Variants in ARHGEF26 observed in about 807,000 individuals in gnomAD.
ARHGEF26 encodes Rho guanine nucleotide exchange factor (GEF) 26.
ARHGEF26 carries 59 observed loss-of-function variants against 89.4 expected under a neutral mutation model. That is an observed-to-expected ratio of 0.66 (90% confidence interval 0.54 to 0.82). The LOEUF is 0.82. Among genes scored for constraint, ARHGEF26 ranks in the 40% least tolerant of loss-of-function variants. The probability of loss-of-function intolerance (pLI) is 0.00; values close to 1 mark genes in which losing one functional copy is unlikely to be tolerated. For synonymous variants in ARHGEF26, 500 were observed against 428.4 expected (o/e 1.17, Z -2.06); for missense variants, 1,234 against 1,085.6 (o/e 1.14, Z -1.92).
Position 154,121,987 on chromosome 3 carries a change from C to G in ARHGEF26, c.-6C>G, listed in dbSNP as rs372226090. The G allele has an allele frequency of 1.5e-4, 236 of 1,582,128 alleles. No individual in the cohort carries two copies. Among genetic ancestry groups the G allele is most frequent in the Non-Finnish European group, 1.9e-4 (221 of 1,158,186 alleles). On this transcript the variant is annotated 5_prime_UTR_variant, in exon 2 of 15. Coordinates refer to ENST00000465093, the MANE Select transcript of ARHGEF26 (RefSeq NM_015595.4). ...CTCCTCCCGGCGCTGACTTCGAGGC[C>G]CGGCTATGGACGGCGAGAGCGAGGT...
intron 4 of ARHGEF26, among the ~76,000 whole-genome samples, chr3:154,137,673 A>T (rs1719093731): frequency 6.6e-6 from 1 of 152,096 alleles, no homozygotes; most frequent in Non-Finnish European, 1.5e-5. Context: ...TCCTTCATGT[A>T]GAGAATAATT....
Position 154,194,635 on chromosome 3 carries a change from T to A in ARHGEF26, c.1771-9T>A. On this transcript the variant is annotated splice_polypyrimidine_tract_variant and intron_variant, in intron 8 of 14. Transcript: ENST00000465093. ...TCAATAAATTTTGTTCACTTTTATT[T>A]CATTACAGACTATCTGTCAAAAAAC... 6.2e-7 allele frequency: 1 copy of A among 1,601,776 alleles called. No individual in the cohort carries two copies. Among genetic ancestry groups the A allele is most frequent in the South Asian group, 1.1e-5 (1 of 88,930 alleles).
chr3:154,174,221 G>A (rs919648432), intron 6 of ARHGEF26, among the ~76,000 whole-genome samples: 1 of 152,186 alleles, frequency 6.6e-6, no homozygotes, highest in Admixed American at 6.5e-5. Context: ...CAGCCATGGT[G>A]GAATGTAAGC....
intron 8 of ARHGEF26, 128 bp downstream of exon 8, chr3:154,191,546 G>A (rs1713960190): frequency 8.6e-7 from 1 of 1,162,032 alleles, no homozygotes; most frequent in African/African-American, 1.5e-5. Context: ...AATTAAGTGA[G>A]AAGGTGTTGT....
intron 10 of ARHGEF26, among the ~76,000 whole-genome samples, chr3:154,222,444 TTAC>T (rs1409980897): frequency 1.3e-5 from 2 of 152,316 alleles, no homozygotes; most frequent in Non-Finnish European, 1.5e-5. Context: ...GCTCCACCAC[TTAC>T]TAGCTGTACA....
At chr3:154,136,613 C>G (rs1719024636) in intron 4 of ARHGEF26, among the ~76,000 whole-genome samples, 1 of 152,196 alleles carries the variant, frequency 6.6e-6, no homozygotes, top group Non-Finnish European at 1.5e-5. Flanking sequence ...TTGTGAAAGA[C>G]ATACTATTTT....
intron 9 of ARHGEF26, among the ~76,000 whole-genome samples, chr3:154,205,310 T>C (rs1049608217): frequency 2.0e-5 from 3 of 152,186 alleles, no homozygotes; most frequent in Non-Finnish European, 4.4e-5. Context: ...GTGTCTGATA[T>C]AAGTATAGCA....
intron 12 of ARHGEF26, among the ~76,000 whole-genome samples, chr3:154,248,254 T>G (rs1717915540): frequency 6.6e-6 from 1 of 152,174 alleles, no homozygotes; most frequent in South Asian, 2.1e-4. Flanking sequence ...AGAAGCATAA[T>G]GAATGTGGTT....
At position 154,221,783 on chromosome 3, in the gene ARHGEF26, G is replaced by A. The variant is rs527879106; in HGVS notation, c.1935+3825G>A. ...CAGATGCAGATGAAACTAGTTATTG[G>A]TCATTACCCGTGAGGGGCAGTGGTC... On this transcript the variant is annotated intron_variant, in intron 10 of 14. Coordinates refer to ENST00000465093, the MANE Select transcript of ARHGEF26 (RefSeq NM_015595.4). Among the ~76,000 whole-genome samples the A allele has an allele frequency of 2.6e-5, 4 of 152,274 alleles. No individual in the cohort carries two copies. In the East Asian group the frequency reaches 5.8e-4, roughly 22 times the overall value.
At chr3:154,238,240 T>C (rs1717248937) in intron 11 of ARHGEF26, among the ~76,000 whole-genome samples, 1 of 152,212 alleles carries the variant, frequency 6.6e-6, no homozygotes, top group South Asian at 2.1e-4. Context: ...TCATTTTGGA[T>C]GTGAGAAATA....
At chr3:154,161,497 A>G (rs1559870237) in intron 6 of ARHGEF26, among the ~76,000 whole-genome samples, 1 of 152,132 alleles carries the variant, frequency 6.6e-6, no homozygotes, top group Non-Finnish European at 1.5e-5. Flanking sequence ...TATTTTGTTG[A>G]TGTTATTACT....
intron 9 of ARHGEF26, among the ~76,000 whole-genome samples, chr3:154,214,847 C>G (rs1377587321): frequency 2.6e-5 from 4 of 152,152 alleles, no homozygotes; most frequent in Non-Finnish European, 5.9e-5. Context: ...TGGCTCTTAG[C>G]TTTGATCAGA....
intron 4 of ARHGEF26, among the ~76,000 whole-genome samples, chr3:154,134,556 A>G (rs1718889156): frequency 6.7e-6 from 1 of 149,658 alleles, no homozygotes; most frequent in Non-Finnish European, 1.5e-5. Context: ...CCCCAACAAC[A>G]TGTGGGAATT....
intron 12 of ARHGEF26, among the ~76,000 whole-genome samples, chr3:154,247,791 G>A (rs968969181): frequency 5.9e-5 from 9 of 152,048 alleles, no homozygotes; most frequent in African/African-American, 9.7e-5. Flanking sequence ...GATGTACGTC[G>A]AAGTCATGTA....
intron 4 of ARHGEF26, among the ~76,000 whole-genome samples, chr3:154,135,944 G>T (rs1380935338): frequency 2.0e-5 from 3 of 152,092 alleles, no homozygotes; most frequent in Non-Finnish European, 4.4e-5. Flanking sequence ...TGTTAAGTTC[G>T]GTGATGGAAC....
At chr3:154,243,330 C>G (rs1264498271) in intron 12 of ARHGEF26, among the ~76,000 whole-genome samples, 1 of 152,118 alleles carries the variant, frequency 6.6e-6, no homozygotes, top group Non-Finnish European at 1.5e-5. Context: ...CTTTGGTTTA[C>G]AAGGATTGTT....
At chr3:154,219,303 ACT>A (rs954686320) in intron 10 of ARHGEF26, among the ~76,000 whole-genome samples, 2 of 152,062 alleles carry the variant, frequency 1.3e-5, no homozygotes, top group African/African-American at 2.4e-5. Flanking sequence ...ACTTTAAGAA[ACT>A]CTGTCTAGGC....
chr3:154,191,337 T>G lies in ARHGEF26; in HGVS notation c.1689T>G (p.His563Gln), dbSNP rs1182992166. Residue 563 changes from histidine to glutamine, a missense_variant, in exon 8 of 15, where the codon CAT (histidine) becomes CAG (glutamine). His to Gln is a conservative substitution (Grantham distance 24). Coordinates refer to ENST00000465093, the MANE Select transcript of ARHGEF26 (RefSeq NM_015595.4). Reference protein sequence around the residue: ...FKEVLSRIESHEDCRNLPMIS... With the variant: ...FKEVLSRIESQEDCRNLPMIS... ...AAGTATTGTCAAGGATTGAGTCCCA[T>G]GAAGACTGTAGGAACTTACCCATGA... 1 of 1,613,558 alleles carries G rather than the reference T, an allele frequency of 6.2e-7. No individual in the cohort carries two copies. The highest frequency in any genetic ancestry group is 1.3e-5 in the African/African-American group (1 of 74,912).
At chr3:154,229,414 A>G (rs1716697479) in intron 11 of ARHGEF26, among the ~76,000 whole-genome samples, 1 of 152,142 alleles carries the variant, frequency 6.6e-6, no homozygotes, top group African/African-American at 2.4e-5. Flanking sequence ...GCTGCTAGTG[A>G]GTCACTCTGT....
Sources: allele counts gnomAD v4.1 joint callset (sites outside exome capture counted in the v4.1 genomes callset), GRCh38; gene constraint gnomAD v4.1.1; transcripts MANE v1.5; gene names NCBI Gene and HGNC (gene_info 2026-07-23, HGNC 2026-07-21).